The following DOCK10 variants were observed in gnomAD, a reference collection of about 807,000 sequenced individuals.
The protein encoded by DOCK10 is dedicator of cytokinesis protein 10.
A neutral mutation model predicts 280.1 loss-of-function variants in DOCK10; 145 were observed. The observed-to-expected ratio is 0.52, with a 90% CI of 0.45 to 0.59. The LOEUF is 0.59. DOCK10 is among the 20% of genes least tolerant of loss of function. DOCK10 has a pLI of 0.00. For missense variants in DOCK10, 2,368 were observed against 2,651.7 expected (o/e 0.89, Z 2.35); for synonymous variants, 915 against 942.2 (o/e 0.97, Z 0.53).
At chr2:224,883,751 T>C (rs988864242) in intron 7 of DOCK10, among the ~76,000 whole-genome samples, 1 of 152,142 alleles carries the variant, frequency 6.6e-6, no homozygotes, top group African/African-American at 2.4e-5. Context: ...ACAATCTAAG[T>C]AAGAGATGAT....
chr2:224,826,093 A>C (rs1276592575), intron 27 of DOCK10, among the ~76,000 whole-genome samples: 2 of 152,150 alleles, frequency 1.3e-5, no homozygotes, highest in Non-Finnish European at 2.9e-5. Flanking sequence ...TTTGAGACAG[A>C]GTCTCTGTGG....
intron 2 of DOCK10, among the ~76,000 whole-genome samples, chr2:224,921,107 A>T (rs1701688600): frequency 4.4e-5 from 3 of 68,426 alleles, no homozygotes; most frequent in African/African-American, 1.9e-4. Context: ...AAAAAAAAAA[A>T]AAAAAATATA....
chr2:224,854,893 AACC>A, intron 16 of DOCK10, 67 bp downstream of exon 16: 1 of 1,091,278 alleles, frequency 9.2e-7, no homozygotes, highest in East Asian at 2.7e-5. Flanking sequence ...CCAACCAACC[AACC>A]AAAACAAACC....
chr2:224,892,629 A>G (rs982912394), intron 4 of DOCK10, among the ~76,000 whole-genome samples: 2 of 152,134 alleles, frequency 1.3e-5, no homozygotes, highest in African/African-American at 2.4e-5. Context: ...AGGGAGCTGC[A>G]AGAGTACAGG....
Position 224,792,959 on chromosome 2 carries a change from A to C in DOCK10, c.5311+15T>G. The C allele has an allele frequency of 1.3e-6, 2 of 1,581,674 alleles. No homozygotes were observed. The highest frequency in any genetic ancestry group is 1.7e-6 in the Non-Finnish European group (2 of 1,151,352). ...TTCCTCTGCATTGGGATAAATGAGC[A>C]GTTAGGTCACTCACTTCCTCCACTG... On this transcript the variant is annotated intron_variant, in intron 47 of 55. Coordinates refer to ENST00000258390, the MANE Select transcript of DOCK10 (RefSeq NM_014689.3).
intron 18 of DOCK10, among the ~76,000 whole-genome samples, chr2:224,851,164 T>C (rs932546665): frequency 3.3e-5 from 5 of 152,198 alleles, no homozygotes; most frequent in Non-Finnish European, 7.3e-5. Flanking sequence ...ATAAGCCCCC[T>C]TTGTCCAAAG....
chr2:224,979,228 C>T (rs11691119), intron 1 of DOCK10, among the ~76,000 whole-genome samples: 101,153 of 152,068 alleles, frequency 0.67, 34,197 homozygotes, highest in Middle Eastern at 0.78. Flanking sequence ...AAGCAATTTG[C>T]ACCTATTAAC....
At chr2:224,967,038 G>A (rs1279864518) in intron 1 of DOCK10, among the ~76,000 whole-genome samples, 4 of 151,780 alleles carry the variant, frequency 2.6e-5, no homozygotes, top group Admixed American at 2.0e-4. Context: ...CATTGTTCAT[G>A]GAATATCAGG....
intron 1 of DOCK10, among the ~76,000 whole-genome samples, chr2:225,031,100 G>A (rs1690062079): frequency 6.6e-6 from 1 of 152,164 alleles, no homozygotes; most frequent in African/African-American, 2.4e-5. Context: ...TGGTCTTGAA[G>A]GTCTCTCAGA....
At chr2:224,882,692 T>C (rs1699045887) in intron 7 of DOCK10, among the ~76,000 whole-genome samples, 1 of 152,200 alleles carries the variant, frequency 6.6e-6, no homozygotes, top group African/African-American at 2.4e-5. Flanking sequence ...TTCCTCTTTT[T>C]TGTTTGATTC....
intron 19 of DOCK10, among the ~76,000 whole-genome samples, chr2:224,845,961 T>G (rs1161210215): frequency 4.6e-5 from 7 of 152,176 alleles, no homozygotes; most frequent in African/African-American, 1.7e-4. Flanking sequence ...TGACCTCAAG[T>G]GATCCGCCCG....
At chr2:224,955,249 T>A (rs1703974662) in intron 1 of DOCK10, among the ~76,000 whole-genome samples, 5 of 152,332 alleles carry the variant, frequency 3.3e-5, no homozygotes, top group African/African-American at 1.2e-4. Context: ...GAGACTAAGG[T>A]CTTTCAAATC....
chr2:224,965,484 C>A (rs763002316), intron 1 of DOCK10, among the ~76,000 whole-genome samples: 6 of 152,164 alleles, frequency 3.9e-5, no homozygotes, highest in African/African-American at 1.4e-4. Context: ...TGGGTGGATT[C>A]TTGTCTTCTT....
chr2:224,805,210 C>A lies in DOCK10; in HGVS notation c.4047G>T (p.Ser1349=), dbSNP rs116790520. 4 of 1,608,956 alleles carry A rather than the reference C, an allele frequency of 2.5e-6. No individual in the cohort carries two copies. Among genetic ancestry groups the A allele is most frequent in the South Asian group, 1.1e-5 (1 of 89,960 alleles). The part of the protein sequence containing the change: ...MCFLHIMKTI[S]YETLIAYWQR... Reference sequence around the variant, plus strand: ...AAATTAAAGAATTCTCTTTACCGTACGAAATCGTTTTCATAATGTGAAGAA... The same window carrying A: ...AAATTAAAGAATTCTCTTTACCGTAAGAAATCGTTTTCATAATGTGAAGAA... The change falls in exon 36 of 56, where the codon TCG becomes TCT. Residue 1349 remains serine (S), a synonymous_variant. Transcript: ENST00000258390. This position sits in a 1 kb window ranked among gnomAD's most constrained non-coding sequence, Gnocchi z 4.3.
rs938305508 is a variant in DOCK10, at chr2:224,770,369, CA to C, written c.6306-21del. The C allele has an allele frequency of 1.3e-6, 2 of 1,579,810 alleles. No homozygotes were observed. Among genetic ancestry groups the C allele is most frequent in the African/African-American group, 2.7e-5 (2 of 73,860 alleles). Reference sequence around the variant, plus strand: ...AATTGCCTTTAGCGACAGCATTAAACAAATTAAAAACCAGCCCTCGGAAGTG... The same window carrying C: ...AATTGCCTTTAGCGACAGCATTAAACAATTAAAAACCAGCCCTCGGAAGTG... On this transcript the variant is annotated intron_variant, in intron 54 of 55. Coordinates refer to ENST00000258390, the MANE Select transcript of DOCK10 (RefSeq NM_014689.3). The surrounding 1 kb of genome is among the most constrained non-coding windows in gnomAD (Gnocchi z 4.5).
intron 4 of DOCK10, among the ~76,000 whole-genome samples, chr2:224,887,759 A>G (rs1299740529): frequency 2.6e-5 from 4 of 152,348 alleles, no homozygotes; most frequent in Non-Finnish European, 4.4e-5. Flanking sequence ...GCAAATTAAC[A>G]TAACTATCAT....
chr2:224,883,372 GAATA>G (rs56729350), intron 7 of DOCK10, among the ~76,000 whole-genome samples: 36,284 of 151,930 alleles, frequency 0.24, 5,984 homozygotes, highest in African/African-American at 0.48. Flanking sequence ...GTAGGTTAAT[GAATA>G]AATAAAGACA....
At chr2:224,793,501 A>C in intron 45 of DOCK10, 44 bp from the exon 46 acceptor site, 1 of 1,516,052 alleles carries the variant, frequency 6.6e-7, no homozygotes, top group Non-Finnish European at 9.1e-7. Flanking sequence ...GATGGAGTTT[A>C]ATATAATTAG....
intron 11 of DOCK10, among the ~76,000 whole-genome samples, chr2:224,872,840 G>A (rs1174082783): frequency 6.6e-6 from 1 of 151,776 alleles, no homozygotes; most frequent in Non-Finnish European, 1.5e-5. Context: ...TGAACAGAAC[G>A]CATTAAAAAA....
Sources: allele counts gnomAD v4.1 joint callset (sites outside exome capture counted in the v4.1 genomes callset), GRCh38; gene constraint gnomAD v4.1.1; non-coding constraint Gnocchi (gnomAD v3.1); transcripts MANE v1.5; gene names NCBI Gene and HGNC (gene_info 2026-07-23, HGNC 2026-07-21).